ZNF761: variants seen among roughly 807,000 people sequenced by gnomAD.
ZNF761 encodes the protein zinc finger protein 761.
ZNF761 carries 43 observed loss-of-function variants against 59.9 expected under a neutral mutation model. That is an observed-to-expected ratio of 0.72 (90% CI 0.56 to 0.92). The LOEUF is 0.92. ZNF761 is among the 40% of genes least tolerant of loss of function. The pLI is 0.00. For missense variants in ZNF761, 850 were observed against 906.1 expected, an observed-to-expected ratio of 0.94 and a Z score of 0.79; for synonymous variants, 294 against 304.8, an observed-to-expected ratio of 0.96 and a Z score of 0.37.
intron 1 of ZNF761, chr19:53,443,364 C>T (rs575832061): frequency 2.3e-4 from 35 of 152,836 alleles, no homozygotes; most frequent in African/African-American, 6.0e-4. Context: ...GACCCAACAC[C>T]GGGCTGTGGG....
chr19:53,441,115 C>T (rs2147126636), intron 1 of ZNF761, among the ~76,000 whole-genome samples: 1 of 152,276 alleles, frequency 6.6e-6, no homozygotes, highest in East Asian at 1.9e-4. Context: ...AACCTGGTCT[C>T]TGCTAAAAAT....
intron 1 of ZNF761, chr19:53,443,452 G>T (rs1227512895): frequency 6.6e-6 from 1 of 152,288 alleles, no homozygotes; most frequent in African/African-American, 2.4e-5. Context: ...GGGGGCCAAC[G>T]CTAGTATGGA....
chr19:53,437,043 C>T (rs948302886), intron 1 of ZNF761, among the ~76,000 whole-genome samples: 2 of 152,098 alleles, frequency 1.3e-5, no homozygotes, highest in Non-Finnish European at 2.9e-5. Flanking sequence ...CGTGACCCAG[C>T]GCAGTGGCTC....
intron 1 of ZNF761, among the ~76,000 whole-genome samples, chr19:53,435,097 A>G (rs999649697): frequency 5.3e-5 from 8 of 151,968 alleles, no homozygotes; most frequent in African/African-American, 1.9e-4. Context: ...ACAAGCATCA[A>G]AATACAGAGA....
chr19:53,435,652 T>G (rs1262103160), intron 1 of ZNF761, among the ~76,000 whole-genome samples: 1 of 152,008 alleles, frequency 6.6e-6, no homozygotes, highest in African/African-American at 2.4e-5. Flanking sequence ...ATAATAAGTA[T>G]GGTGCAGTAG....
intron 1 of ZNF761, chr19:53,442,173 A>G: frequency 1.8e-6 from 2 of 1,129,058 alleles, no homozygotes; most frequent in South Asian, 1.2e-5. Context: ...GATGAAGAAG[A>G]TGGAACTCCA....
chr19:53,450,072 A>G, intron 4 of ZNF761: 2 of 359,170 alleles, frequency 5.6e-6, no homozygotes, highest in Non-Finnish European at 1.0e-5. Flanking sequence ...TGGGAGGCCA[A>G]GGTGGGTGGA....
chr19:53,442,345 G>C (rs2147128176), intron 1 of ZNF761: 1 of 1,112,502 alleles, frequency 9.0e-7, no homozygotes, highest in East Asian at 2.3e-5. Context: ...GAGCAGATCA[G>C]ACTGATGGAC....
Position 53,456,336 on chromosome 19 carries a change from A to G in ZNF761, c.1829A>G (p.Glu610Gly). ...GAAGAGAATCCTTACAAGTGTAATGAGTGTGGCAAGACCTTCAGTCGGACG... is the reference window on the plus strand; with the variant it reads ...GAAGAGAATCCTTACAAGTGTAATGGGTGTGGCAAGACCTTCAGTCGGACG... The part of the protein sequence containing the change: ...HTEENPYKCN[E>G]CGKTFSRTSS... The change falls in exon 5 of 5, where the codon GAG becomes GGG. Residue 610 changes from glutamate to glycine, a missense_variant. Coordinates refer to ENST00000684525, the MANE Select transcript of ZNF761 (RefSeq NM_001289951.2). 6.2e-7 allele frequency: 1 copy of G among 1,611,344 alleles called. No individual in the cohort carries two copies. The highest frequency in any genetic ancestry group is 8.5e-7 in the Non-Finnish European group (1 of 1,177,930).
At chr19:53,439,270 CAAAAAA>C (rs71185881) in intron 1 of ZNF761, among the ~76,000 whole-genome samples, 2,134 of 132,886 alleles carry the variant, frequency 0.016, 21 homozygotes, top group Non-Finnish European at 0.025. Flanking sequence ...GACTCTGACT[CAAAAAA>C]AAAAAAAAAA....
chr19:53,448,159 G>A (rs1235629959), intron 3 of ZNF761, among the ~76,000 whole-genome samples: 2 of 151,980 alleles, frequency 1.3e-5, no homozygotes, highest in South Asian at 2.1e-4. Flanking sequence ...GCGTCACCAC[G>A]CCCAGCTAAT....
intron 1 of ZNF761, chr19:53,442,821 C>T (rs1225497259): frequency 2.3e-6 from 1 of 435,318 alleles, no homozygotes; most frequent in Non-Finnish European, 4.4e-6. Flanking sequence ...AGAACCTTTG[C>T]AAACAACATT....
intron 1 of ZNF761, among the ~76,000 whole-genome samples, chr19:53,438,871 C>T (rs937959344): frequency 3.3e-5 from 5 of 152,162 alleles, no homozygotes; most frequent in African/African-American, 1.2e-4. Flanking sequence ...GATAACACTC[C>T]TCTCAGGTTG....
chr19:53,445,721 G>A lies in ZNF761; in HGVS notation c.-184-506G>A, dbSNP rs1225008452. Among the ~76,000 whole-genome samples the A allele has an allele frequency of 3.3e-5, 5 of 152,074 alleles. No homozygotes were observed. In the East Asian group the frequency reaches 9.6e-4, roughly 29 times the overall value. On this transcript the variant is annotated intron_variant, in intron 1 of 4. Transcript: ENST00000684525. Reference sequence around the variant, plus strand: ...ATTTTTTAAAAAAACGTGAAAGAATGGAAGAAATAGAGGTGTAGACTCAGA... The same window carrying A: ...ATTTTTTAAAAAAACGTGAAAGAATAGAAGAAATAGAGGTGTAGACTCAGA...
In ZNF761 at chr19:53,455,532, C is replaced by T. The variant is rs138170218; in HGVS notation, c.1025C>T (p.Thr342Ile). Reference protein sequence around the residue: ...GKTFRQKSILTRHHRLHTGEK... With the variant: ...GKTFRQKSILIRHHRLHTGEK... ...ACCTTTAGGCAGAAGTCAATCCTTA[C>T]ACGCCATCATCGACTTCATACTGGA... is the stretch of plus-strand genomic sequence containing the variant. Residue 342 changes from threonine to isoleucine, a missense_variant, in exon 5 of 5, where the codon ACA becomes ATA. Thr to Ile is a moderately conservative substitution (Grantham distance 89). Transcript: ENST00000684525. 16 of 1,612,898 alleles carry T rather than the reference C, an allele frequency of 9.9e-6. No individual in the cohort carries two copies. The highest frequency in any genetic ancestry group is 1.3e-5 in the African/African-American group (1 of 74,868).
At chr19:53,440,866 G>T (rs1159214348) in intron 1 of ZNF761, among the ~76,000 whole-genome samples, 1 of 152,176 alleles carries the variant, frequency 6.6e-6, no homozygotes, top group African/African-American at 2.4e-5. Context: ...TGGTAGAAAC[G>T]CGTTTCACTA....
At chr19:53,436,951 G>A (rs1375789568) in intron 1 of ZNF761, among the ~76,000 whole-genome samples, 3 of 152,176 alleles carry the variant, frequency 2.0e-5, no homozygotes, top group African/African-American at 4.8e-5. Flanking sequence ...CCTGTCGTGG[G>A]TTATTCTCAG....
intron 1 of ZNF761, among the ~76,000 whole-genome samples, chr19:53,437,962 T>C (rs1436907903): frequency 3.2e-5 from 4 of 124,554 alleles, no homozygotes; most frequent in African/African-American, 1.1e-4. Context: ...TACCACTGTA[T>C]ACCTGGCATG....
At chr19:53,435,526 C>T (rs1473822428) in intron 1 of ZNF761, among the ~76,000 whole-genome samples, 4 of 151,850 alleles carry the variant, frequency 2.6e-5, no homozygotes, top group Admixed American at 2.6e-4. Context: ...TGGTCTCGAA[C>T]TCCCGACCTC....
Sources: gnomAD v4.1 joint callset for allele counts (sites outside exome capture counted in the v4.1 genomes callset) on GRCh38, gnomAD v4.1.1 for gene constraint, MANE v1.5 for transcripts, NCBI Gene and HGNC (gene_info 2026-07-23, HGNC 2026-07-21) for gene names.